SOX5: variants seen among roughly 807,000 people sequenced by gnomAD.
SOX5 encodes transcription factor SOX-5.
SOX5 carries 9 observed loss-of-function variants against 92.0 expected under a neutral mutation model. The ratio of observed to expected loss-of-function variants is 0.10; its 90% CI spans 0.06 to 0.17. The LOEUF (loss-of-function observed/expected upper bound fraction) is 0.17, where lower values mean the gene tolerates loss of function less well. SOX5 is among the 10% of genes least tolerant of loss of function. SOX5 has a pLI of 1.00. For synonymous variants in SOX5, 344 were observed against 336.3 expected, an observed-to-expected ratio of 1.02 and a Z score of -0.25; for missense variants, 642 against 944.5, an observed-to-expected ratio of 0.68 and a Z score of 4.20.
At chr12:24,034,745 T>C (rs1024439488) in intron 4 of SOX5, among the ~76,000 whole-genome samples, 5 of 152,060 alleles carry the variant, frequency 3.3e-5, no homozygotes, top group Non-Finnish European at 5.9e-5. Context: ...GTATTATACT[T>C]ACCTAACAAT....
At chr12:24,125,090 A>T (rs1394205041) in intron 4 of SOX5, among the ~76,000 whole-genome samples, 1 of 152,220 alleles carries the variant, frequency 6.6e-6, no homozygotes, top group African/African-American at 2.4e-5. Context: ...ATCCTAGGTC[A>T]AAAATATATA....
intron 4 of SOX5, among the ~76,000 whole-genome samples, chr12:24,201,664 A>T (rs963829736): frequency 1.3e-5 from 2 of 152,120 alleles, no homozygotes; most frequent in African/African-American, 4.8e-5. Context: ...TCGATCCTTT[A>T]CCCTAGTCCT....
intron 11 of SOX5, among the ~76,000 whole-genome samples, chr12:23,550,358 T>C (rs1324428583): frequency 6.6e-6 from 1 of 151,904 alleles, no homozygotes; most frequent in Non-Finnish European, 1.5e-5. Context: ...TATGTTATCC[T>C]CCTCGAGTCC....
At chr12:23,598,788 T>G (rs753571305) in intron 9 of SOX5, among the ~76,000 whole-genome samples, 8 of 152,164 alleles carry the variant, frequency 5.3e-5, no homozygotes, top group Non-Finnish European at 7.4e-5. Flanking sequence ...TAGACTTGGT[T>G]GTGATTATGC....
intron 5 of SOX5, among the ~76,000 whole-genome samples, chr12:23,737,697 C>T (rs1422970253): frequency 2.0e-5 from 3 of 152,144 alleles, no homozygotes; most frequent in Non-Finnish European, 2.9e-5. Context: ...CCTATCACCT[C>T]ATGCCTGCCA....
At position 24,003,567 on chromosome 12, in the gene SOX5, A is replaced by G. The variant is rs1266880431; in HGVS notation, c.-1-107543T>C. Among the ~76,000 whole-genome samples the G allele has an allele frequency of 5.3e-5, 8 of 152,076 alleles. 1 individual carries two copies. Among genetic ancestry groups the G allele is most frequent in the Non-Finnish European group, 1.0e-4 (7 of 67,946 alleles). Reference sequence around the variant, plus strand: ...TAATTTCATTAACAATTGCATCAAAAAGAATAAAACATTAAGAACTTTAAC... The same window carrying G: ...TAATTTCATTAACAATTGCATCAAAGAGAATAAAACATTAAGAACTTTAAC... On this transcript the variant is annotated intron_variant, in intron 4 of 4. Coordinates refer to the SOX5 transcript ENST00000446891.
At chr12:23,659,862 G>A (rs1237621831) in intron 7 of SOX5, among the ~76,000 whole-genome samples, 1 of 152,142 alleles carries the variant, frequency 6.6e-6, no homozygotes, top group Non-Finnish European at 1.5e-5. Flanking sequence ...AGCTACTTGG[G>A]AGGCTGAGGC....
chr12:23,657,363 C>G (rs763243450), intron 7 of SOX5, among the ~76,000 whole-genome samples: 19 of 152,114 alleles, frequency 1.2e-4, no homozygotes, highest in Non-Finnish European at 4.4e-5. Flanking sequence ...AATGCAGCAT[C>G]CTATTCCACA....
At chr12:23,698,804 A>T (rs953199837) in intron 6 of SOX5, among the ~76,000 whole-genome samples, 12 of 152,114 alleles carry the variant, frequency 7.9e-5, no homozygotes, top group African/African-American at 2.7e-4. Context: ...TTCAAGTCTT[A>T]CTTTATACCT....
intron 1 of SOX5, among the ~76,000 whole-genome samples, chr12:24,505,848 T>TGCGTGA (rs1566334085): frequency 7.1e-6 from 1 of 141,088 alleles, no homozygotes; most frequent in African/African-American, 2.7e-5. Context: ...TGTGTGTGTG[T>TGCGTGA]GTGTGCGTGT....
chr12:23,967,351 TATA>T (rs1947711913), intron 4 of SOX5, among the ~76,000 whole-genome samples: 1 of 152,078 alleles, frequency 6.6e-6, no homozygotes, highest in African/African-American at 2.4e-5. Flanking sequence ...TTTAAAAAAG[TATA>T]TTAAATATAC....
At chr12:24,239,322 T>G (rs1057108616) in intron 3 of SOX5, among the ~76,000 whole-genome samples, 2 of 152,244 alleles carry the variant, frequency 1.3e-5, no homozygotes, top group African/African-American at 4.8e-5. Context: ...CTCACTAAAT[T>G]TCCTTAGAGA....
intron 4 of SOX5, among the ~76,000 whole-genome samples, chr12:24,018,372 G>C (rs537742218): frequency 6.6e-6 from 1 of 152,056 alleles, no homozygotes; most frequent in Non-Finnish European, 1.5e-5. Flanking sequence ...AATATTCAAC[G>C]TATCTGATGC....
chr12:23,662,162 T>A (rs1459571214), intron 7 of SOX5, among the ~76,000 whole-genome samples: 1 of 142,704 alleles, frequency 7.0e-6, no homozygotes, highest in Non-Finnish European at 1.5e-5. Context: ...CATATACATA[T>A]ATATATATAG....
At chr12:24,479,962 A>T (rs1945806989) in intron 1 of SOX5, among the ~76,000 whole-genome samples, 1 of 152,222 alleles carries the variant, frequency 6.6e-6, no homozygotes, top group South Asian at 2.1e-4. Flanking sequence ...CACTGTGCCC[A>T]GTCCTGGAGA....
chr12:24,006,625 G>T (rs1283723417), intron 4 of SOX5, among the ~76,000 whole-genome samples: 1 of 151,998 alleles, frequency 6.6e-6, no homozygotes, highest in Admixed American at 6.5e-5. Flanking sequence ...CCAGGATTGG[G>T]TAGACAAATC....
At chr12:24,212,993 T>G (rs1318747697) in intron 4 of SOX5, among the ~76,000 whole-genome samples, 2 of 152,158 alleles carry the variant, frequency 1.3e-5, no homozygotes, top group Non-Finnish European at 2.9e-5. Flanking sequence ...TTCTACATGT[T>G]TTAAGAATTT....
intron 3 of SOX5, among the ~76,000 whole-genome samples, chr12:23,766,284 T>C (rs1266115038): frequency 6.6e-6 from 1 of 152,140 alleles, no homozygotes; most frequent in Non-Finnish European, 1.5e-5. Context: ...TAAAGTTAAA[T>C]TTAAACTACA....
intron 4 of SOX5, among the ~76,000 whole-genome samples, chr12:24,200,951 G>T (rs1957456456): frequency 6.6e-6 from 1 of 152,104 alleles, no homozygotes; most frequent in Admixed American, 6.5e-5. Context: ...GGTTCCTTTG[G>T]ATCTGACGTC....
Sources: allele counts gnomAD v4.1 joint callset (sites outside exome capture counted in the v4.1 genomes callset), GRCh38; gene constraint gnomAD v4.1.1; transcripts MANE v1.5; gene names NCBI Gene and HGNC (gene_info 2026-07-23, HGNC 2026-07-21).